OSBPL9: variants seen among roughly 807,000 people sequenced by gnomAD.
The protein encoded by OSBPL9 is oxysterol binding protein like 9.
In OSBPL9, 40 loss-of-function variants were observed where a neutral mutation model predicts 106.6. The ratio of observed to expected loss-of-function variants is 0.38; its 90% CI spans 0.29 to 0.49. OSBPL9 has a LOEUF of 0.49. Ranked by LOEUF, OSBPL9 falls within the 20% of genes least tolerant of loss-of-function variation. The pLI is 0.97. For missense variants in OSBPL9, 609 were observed against 887.2 expected, an observed-to-expected ratio of 0.69 and a Z score of 3.98; for synonymous variants, 269 against 295.4, an observed-to-expected ratio of 0.91 and a Z score of 0.92.
intron 2 of OSBPL9, among the ~76,000 whole-genome samples, chr1:51,608,162 G>A (rs558755486): frequency 6.6e-6 from 1 of 152,292 alleles, no homozygotes; most frequent in Admixed American, 6.5e-5. Context: ...GCCTCTTAGT[G>A]TGCATGCTTG....
At chr1:51,666,230 G>T (rs999121380) in intron 2 of OSBPL9, among the ~76,000 whole-genome samples, 1 of 152,174 alleles carries the variant, frequency 6.6e-6, no homozygotes, top group Admixed American at 6.5e-5. Context: ...TGCCGTGAGA[G>T]GAAGGAAGCC....
chr1:51,730,214 C>T (rs1387538875), intron 4 of OSBPL9: 1 of 1,188,396 alleles, frequency 8.4e-7, no homozygotes, highest in East Asian at 3.2e-5. Flanking sequence ...AGGTCAGGGC[C>T]TCCAGTTCCA....
chr1:51,697,453 CTTTTTTT>C (rs759965779), intron 3 of OSBPL9, among the ~76,000 whole-genome samples: 27 of 103,164 alleles, frequency 2.6e-4, no homozygotes, highest in Admixed American at 6.9e-4. Context: ...ATAGGGGTTA[CTTTTTTT>C]TTTTTTTTTT....
At chr1:51,611,766 G>T (rs1643989556) in intron 2 of OSBPL9, among the ~76,000 whole-genome samples, 1 of 152,162 alleles carries the variant, frequency 6.6e-6, no homozygotes, top group Non-Finnish European at 1.5e-5. Context: ...ACCTGAGGTA[G>T]GAGTTTGAGA....
At chr1:51,685,367 C>T (rs1290701655) in intron 3 of OSBPL9, among the ~76,000 whole-genome samples, 1 of 151,946 alleles carries the variant, frequency 6.6e-6, no homozygotes, top group Non-Finnish European at 1.5e-5. Flanking sequence ...TTTAGACTGC[C>T]AACTGGTAAA....
At chr1:51,725,829 T>A (rs1273962032) in intron 4 of OSBPL9, among the ~76,000 whole-genome samples, 1 of 152,150 alleles carries the variant, frequency 6.6e-6, no homozygotes, top group Non-Finnish European at 1.5e-5. Flanking sequence ...CCTGCCCATA[T>A]TACTACATGT....
chr1:51,567,029 T>G, the OSBPL9 span: 1 of 152,280 alleles, frequency 6.6e-6, no homozygotes, highest in Non-Finnish European at 1.5e-5. Flanking sequence ...TGCTCCCACT[T>G]GCAGTGCTAC....
At chr1:51,534,941 T>C in the OSBPL9 span, among the ~76,000 whole-genome samples, 10 of 152,336 alleles carry the variant, frequency 6.6e-5, no homozygotes, top group East Asian at 1.5e-3. Context: ...CAGTTATTCT[T>C]TATTAAACTT....
At chr1:51,524,482 A>G in the OSBPL9 span, among the ~76,000 whole-genome samples, 1 of 152,196 alleles carries the variant, frequency 6.6e-6, no homozygotes, top group Admixed American at 6.5e-5. Context: ...TGCTATTACA[A>G]TGATTAAATG....
At chr1:51,552,366 T>C in the OSBPL9 span, among the ~76,000 whole-genome samples, 24 of 152,276 alleles carry the variant, frequency 1.6e-4, no homozygotes, top group African/African-American at 5.8e-4. Context: ...ACTTACTATA[T>C]ACCAGGAACT....
chr1:51,779,706 A>G (rs552166748), intron 15 of OSBPL9, among the ~76,000 whole-genome samples: 2 of 152,198 alleles, frequency 1.3e-5, no homozygotes, highest in Non-Finnish European at 2.9e-5. Flanking sequence ...AAAAAAACAA[A>G]AACAAAAACA....
chr1:51,692,682 T>G (rs1194358311), intron 3 of OSBPL9, among the ~76,000 whole-genome samples: 2 of 150,062 alleles, frequency 1.3e-5, no homozygotes, highest in Admixed American at 6.6e-5. Context: ...TTTTTTTTTT[T>G]TCCAGGTTCT....
chr1:51,572,164 T>C, the OSBPL9 span, among the ~76,000 whole-genome samples: 2 of 152,126 alleles, frequency 1.3e-5, no homozygotes, highest in Admixed American at 6.5e-5. Flanking sequence ...TCTCCTTTAA[T>C]CAATATGAAA....
chr1:51,553,977 C>T, the OSBPL9 span, among the ~76,000 whole-genome samples: 1 of 152,034 alleles, frequency 6.6e-6, no homozygotes, highest in African/African-American at 2.4e-5. Context: ...CCCCACCTGG[C>T]CAAAAAAAAT....
At chr1:51,539,730 A>G in the OSBPL9 span, among the ~76,000 whole-genome samples, 1 of 152,208 alleles carries the variant, frequency 6.6e-6, no homozygotes, top group Admixed American at 6.5e-5. Context: ...CCTTGGGCAC[A>G]CAGCCAGTAA....
At position 51,716,874 on chromosome 1, in the gene OSBPL9, TA is replaced by T. The variant is rs1016695375; in HGVS notation, c.318+2804del. On this transcript the variant is annotated intron_variant, in intron 4 of 23. Transcript: ENST00000428468. ...TTAGGTTCTCTTCTTTTGCTTTTTT[TA>T]AAAAAAAATTCTCACAAAACTCCCC... is the stretch of plus-strand genomic sequence containing the variant. Among the ~76,000 whole-genome samples the T allele has an allele frequency of 3.3e-5, 5 of 151,804 alleles. No homozygotes were observed. The South Asian group carries it at 1.0e-3, about 32-fold the overall frequency.
At chr1:51,684,959 T>G (rs1653444842) in intron 3 of OSBPL9, among the ~76,000 whole-genome samples, 1 of 150,968 alleles carries the variant, frequency 6.6e-6, no homozygotes, top group African/African-American at 2.5e-5. Flanking sequence ...TCACCCAGGC[T>G]GGAATGCAGT....
rs889807338 is a variant in OSBPL9 at position 51,787,954 on chromosome 1, A to T, written c.*165A>T. 8 of 604,772 alleles carry T rather than the reference A, an allele frequency of 1.3e-5. No homozygotes were observed. The highest frequency in any genetic ancestry group is 2.3e-5 in the Non-Finnish European group (8 of 354,526). 37.5% of individuals were successfully genotyped at this position (604,772 alleles called of 1,614,324 possible). A position where few individuals can be genotyped will look rare whatever the true frequency, so the allele number is the denominator to read the frequency against. On this transcript the variant is annotated 3_prime_UTR_variant, in exon 24 of 24. Transcript: ENST00000428468. ...GACGCAGATGAACAATTAAGGGGAA[A>T]AGCTTCCCTTTTCCCTCTGTGGCAG...
chr1:51,774,908 T>C (rs1674707182), intron 14 of OSBPL9, among the ~76,000 whole-genome samples: 1 of 152,188 alleles, frequency 6.6e-6, no homozygotes, highest in Non-Finnish European at 1.5e-5. Context: ...AAATTAAACT[T>C]TTTAAAAATG....
Sources: gnomAD v4.1 joint callset for allele counts (sites outside exome capture counted in the v4.1 genomes callset) on GRCh38, gnomAD v4.1.1 for gene constraint, MANE v1.5 for transcripts, NCBI Gene and HGNC (gene_info 2026-07-23, HGNC 2026-07-21) for gene names.